The following GPC5 variants were observed in gnomAD, a reference collection of about 807,000 sequenced individuals.
The protein encoded by GPC5 is glypican-5.
In GPC5, 47 loss-of-function variants were observed where a neutral mutation model predicts 53.9. That is an observed-to-expected ratio of 0.87 (90% CI 0.69 to 1.11). The LOEUF (loss-of-function observed/expected upper bound fraction) is 1.11, where lower values mean the gene tolerates loss of function less well. Among genes scored for constraint, GPC5 ranks in the 50% most tolerant of loss-of-function variants. GPC5 has a pLI of 0.00. For missense variants in GPC5, 748 were observed against 713.1 expected (o/e 1.05, Z -0.56); for synonymous variants, 286 against 263.3 (o/e 1.09, Z -0.84).
chr13:92,801,647 C>A (rs918772656), intron 7 of GPC5, among the ~76,000 whole-genome samples: 1 of 151,602 alleles, frequency 6.6e-6, no homozygotes, highest in Non-Finnish European at 1.5e-5. Context: ...CCCCTGAAGA[C>A]CTTCCAGTGG....
intron 2 of GPC5, among the ~76,000 whole-genome samples, chr13:91,583,118 A>G (rs529690164): frequency 3.3e-5 from 5 of 152,224 alleles, no homozygotes. Context: ...ATTATACTTA[A>G]TAATAAAATG....
At chr13:92,760,875 T>C (rs1281304728) in intron 7 of GPC5, among the ~76,000 whole-genome samples, 1 of 152,182 alleles carries the variant, frequency 6.6e-6, no homozygotes, top group Admixed American at 6.6e-5. Flanking sequence ...TCAAGATATA[T>C]TTTAAACTTT....
intron 7 of GPC5, among the ~76,000 whole-genome samples, chr13:92,227,154 G>T (rs1185220200): frequency 6.6e-6 from 1 of 152,126 alleles, no homozygotes; most frequent in African/African-American, 2.4e-5. Flanking sequence ...GAATAGTAAA[G>T]TCTCTGGACA....
intron 7 of GPC5, among the ~76,000 whole-genome samples, chr13:92,291,860 G>A (rs897199311): frequency 1.3e-5 from 2 of 151,956 alleles, no homozygotes; most frequent in African/African-American, 2.4e-5. Flanking sequence ...CACTCACCAC[G>A]AAGGTCTGCA....
chr13:92,522,797 G>T (rs1881116154), intron 7 of GPC5, among the ~76,000 whole-genome samples: 1 of 151,880 alleles, frequency 6.6e-6, no homozygotes, highest in Admixed American at 6.6e-5. Flanking sequence ...AAAGAAAATA[G>T]ATGTTTCTAA....
At chr13:91,806,535 C>T (rs1487771378) in intron 5 of GPC5, among the ~76,000 whole-genome samples, 4 of 151,876 alleles carry the variant, frequency 2.6e-5, no homozygotes, top group Admixed American at 1.3e-4. Context: ...TCTTACAACA[C>T]CTCTTTATTT....
At chr13:92,620,576 A>G (rs1404198876) in intron 7 of GPC5, among the ~76,000 whole-genome samples, 1 of 152,202 alleles carries the variant, frequency 6.6e-6, no homozygotes, top group Non-Finnish European at 1.5e-5. Flanking sequence ...ATAAGATAAA[A>G]CTAGAAATAC....
intron 7 of GPC5, among the ~76,000 whole-genome samples, chr13:92,224,225 C>A (rs1268519485): frequency 6.6e-6 from 1 of 152,094 alleles, no homozygotes; most frequent in Non-Finnish European, 1.5e-5. Flanking sequence ...ATAGCAATAA[C>A]ATTGGTAATG....
At chr13:92,486,455 T>C (rs1287049176) in intron 7 of GPC5, among the ~76,000 whole-genome samples, 1 of 151,338 alleles carries the variant, frequency 6.6e-6, no homozygotes, top group Non-Finnish European at 1.5e-5. Flanking sequence ...TGTGATGTAA[T>C]TTTTTAAATA....
In GPC5 at chr13:91,934,395, C is replaced by T. The variant is rs1044561692; in HGVS notation, c.1401+26338C>T. Reference sequence around the variant, plus strand: ...TCAGGCATGACCCTGGGCAGTGACACATTGCAGATTGCTCTCTAAATTATT... The same window carrying T: ...TCAGGCATGACCCTGGGCAGTGACATATTGCAGATTGCTCTCTAAATTATT... On this transcript the variant is annotated intron_variant, in intron 6 of 7. Transcript: ENST00000377067. Among the ~76,000 whole-genome samples the T allele has an allele frequency of 9.2e-5, 14 of 152,058 alleles. No homozygotes were observed. The South Asian group carries it at 2.3e-3, about 25-fold the overall frequency.
At chr13:92,075,105 A>G (rs1427266978) in intron 6 of GPC5, among the ~76,000 whole-genome samples, 2 of 152,202 alleles carry the variant, frequency 1.3e-5, no homozygotes, top group Non-Finnish European at 2.9e-5. Flanking sequence ...TGCTTGAAAG[A>G]TTCCTTTACC....
At chr13:92,575,027 A>G (rs1334892381) in intron 7 of GPC5, among the ~76,000 whole-genome samples, 1 of 152,136 alleles carries the variant, frequency 6.6e-6, no homozygotes. Context: ...GCTCACATGA[A>G]GCTTAAAACC....
At chr13:91,929,032 A>G (rs1160070594) in intron 6 of GPC5, among the ~76,000 whole-genome samples, 1 of 152,112 alleles carries the variant, frequency 6.6e-6, no homozygotes, top group Non-Finnish European at 1.5e-5. Flanking sequence ...TGAAGTCCAG[A>G]GTAGGTTTGT....
chr13:91,451,734 C>CA (rs1434502680), intron 2 of GPC5, among the ~76,000 whole-genome samples: 1 of 151,978 alleles, frequency 6.6e-6, no homozygotes, highest in Non-Finnish European at 1.5e-5. Context: ...TCTCTTGCCT[C>CA]AGCCTCCCGA....
chr13:91,869,023 GT>G (rs1170886851), intron 5 of GPC5, among the ~76,000 whole-genome samples: 1 of 152,046 alleles, frequency 6.6e-6, no homozygotes, highest in African/African-American at 2.4e-5. Flanking sequence ...CAGCAATGGT[GT>G]TGTTTTTTGT....
chr13:92,224,042 C>T (rs1168492728), intron 7 of GPC5, among the ~76,000 whole-genome samples: 1 of 151,828 alleles, frequency 6.6e-6, no homozygotes, highest in Non-Finnish European at 1.5e-5. Flanking sequence ...CCTGTTTTAA[C>T]AACACTATAA....
At chr13:91,484,015 A>G (rs1566439996) in intron 2 of GPC5, among the ~76,000 whole-genome samples, 1 of 152,188 alleles carries the variant, frequency 6.6e-6, no homozygotes, top group Non-Finnish European at 1.5e-5. Flanking sequence ...GAATTGTACA[A>G]GCTATTTTTT....
intron 7 of GPC5, among the ~76,000 whole-genome samples, chr13:92,281,273 C>T (rs992915606): frequency 6.6e-6 from 1 of 152,202 alleles, no homozygotes; most frequent in Non-Finnish European, 1.5e-5. Flanking sequence ...GTGGAGCCCA[C>T]CACAGCTCAA....
intron 1 of GPC5, among the ~76,000 whole-genome samples, chr13:91,412,368 C>A (rs986718338): frequency 3.3e-5 from 5 of 152,148 alleles, no homozygotes; most frequent in African/African-American, 1.2e-4. Context: ...TTGTTCACTG[C>A]CTTTCTTAAA....
Sources: allele counts gnomAD v4.1 joint callset (sites outside exome capture counted in the v4.1 genomes callset), GRCh38; gene constraint gnomAD v4.1.1; transcripts MANE v1.5; gene names NCBI Gene and HGNC (gene_info 2026-07-23, HGNC 2026-07-21).